Variants in RTL4 observed in about 807,000 individuals in gnomAD.
RTL4 encodes retrotransposon Gag-like protein 4.
A neutral mutation model predicts 5.3 loss-of-function variants in RTL4; 4 were observed. The observed-to-expected ratio is 0.75, with a 90% CI of 0.37 to 1.72. The LOEUF (loss-of-function observed/expected upper bound fraction) is 1.72, where lower values mean the gene tolerates loss of function less well. RTL4 is among the 40% of genes most tolerant of loss of function. The pLI is 0.04. For synonymous variants in RTL4, 98 were observed against 87.3 expected, an observed-to-expected ratio of 1.12 and a Z score of -0.68; for missense variants, 260 against 227.1, an observed-to-expected ratio of 1.14 and a Z score of -0.93.
At chrX:112,303,877 T>C in the RTL4 span, among the ~76,000 whole-genome samples, 1 of 111,196 alleles carries the variant, frequency 9.0e-6, no homozygotes, top group African/African-American at 3.3e-5. Flanking sequence ...TATATTTGAA[T>C]ATACAGGGAT....
At chrX:112,396,921 G>A in the RTL4 span, among the ~76,000 whole-genome samples, 1 of 111,444 alleles carries the variant, frequency 9.0e-6, no homozygotes, top group Non-Finnish European at 1.9e-5. Context: ...TTTGTCTGAT[G>A]TTTTTCTTAT....
the RTL4 span, among the ~76,000 whole-genome samples, chrX:112,314,996 T>C: frequency 6.3e-5 from 7 of 111,860 alleles, no homozygotes; most frequent in Non-Finnish European, 1.3e-4. Flanking sequence ...AAAACAATCA[T>C]AGCCCATCAT....
At chrX:112,230,074 A>G in the RTL4 span, among the ~76,000 whole-genome samples, 2 of 112,008 alleles carry the variant, frequency 1.8e-5, no homozygotes, top group Admixed American at 9.4e-5. Context: ...AGGGACATTT[A>G]AGTCTGCAGA....
chrX:112,116,383 G>T, the RTL4 span, among the ~76,000 whole-genome samples: 1 of 110,654 alleles, frequency 9.0e-6, no homozygotes, highest in African/African-American at 3.3e-5. Flanking sequence ...GGACCCAAAG[G>T]GTGAGCAGCA....
chrX:112,249,863 C>G, the RTL4 span, among the ~76,000 whole-genome samples: 1 of 108,928 alleles, frequency 9.2e-6, no homozygotes, highest in African/African-American at 3.3e-5. Context: ...TGGTGACATT[C>G]TTGGGAAAAC....
the RTL4 span, among the ~76,000 whole-genome samples, chrX:112,259,020 C>G: frequency 1.8e-5 from 2 of 110,726 alleles, no homozygotes; most frequent in Non-Finnish European, 3.8e-5. Context: ...GTTCCATTGA[C>G]CAGTTTGTTT....
At chrX:112,350,850 T>C in the RTL4 span, among the ~76,000 whole-genome samples, 2 of 111,603 alleles carry the variant, frequency 1.8e-5, no homozygotes, top group Non-Finnish European at 3.8e-5. Context: ...GAAGGGTTTT[T>C]TGTGTCTCTA....
rs749586314 is a variant in RTL4, at chrX:112,455,180, A to G, written c.452A>G (p.Lys151Arg). ...GAAATCAATCCTCTGATGAATGCTA[A>G]GTTTGACAAAGGAGACAACTCCTCT... Residue 151 changes from lysine to arginine, a missense_variant, in exon 1 of 1, where the codon AAG becomes AGG. Coordinates refer to ENST00000340433, the Ensembl canonical transcript of RTL4. 6 of 1,209,719 alleles carry G rather than the reference A, an allele frequency of 5.0e-6. No homozygotes were observed. The African/African-American group carries it at 8.8e-5, about 18-fold the overall frequency.
the RTL4 span, among the ~76,000 whole-genome samples, chrX:112,370,837 A>G: frequency 9.0e-6 from 1 of 110,803 alleles, no homozygotes; most frequent in African/African-American, 3.3e-5. Flanking sequence ...AGTTTAGAGC[A>G]TTGATTTCTA....
At chrX:112,257,245 C>T in the RTL4 span, among the ~76,000 whole-genome samples, 20 of 110,753 alleles carry the variant, frequency 1.8e-4, no homozygotes. Context: ...TCTATTTGAC[C>T]TAATAATGTT....
the RTL4 span, among the ~76,000 whole-genome samples, chrX:112,430,232 GT>G: frequency 3.6e-5 from 4 of 110,873 alleles, no homozygotes; most frequent in Non-Finnish European, 5.7e-5. Flanking sequence ...GTTCTGGAGA[GT>G]TTTTTCTCGG....
chrX:112,400,941 A>G, the RTL4 span, among the ~76,000 whole-genome samples: 2 of 111,339 alleles, frequency 1.8e-5, no homozygotes, highest in Non-Finnish European at 3.8e-5. Context: ...AGATGATCAA[A>G]ATTGACTCAG....
At chrX:112,435,926 G>A in the RTL4 span, among the ~76,000 whole-genome samples, 3 of 111,684 alleles carry the variant, frequency 2.7e-5, no homozygotes. Flanking sequence ...GATTCTAAAT[G>A]CCATACTAGG....
upstream of RTL4, among the ~76,000 whole-genome samples, chrX:112,451,928 C>A (rs1926743378): frequency 9.0e-6 from 1 of 111,273 alleles, no homozygotes; most frequent in South Asian, 3.8e-4. Context: ...CAGTGTTTTG[C>A]ACAAGAGCCA....
At chrX:112,148,772 G>A in the RTL4 span, among the ~76,000 whole-genome samples, 1 of 112,092 alleles carries the variant, frequency 8.9e-6, no homozygotes, top group Admixed American at 9.4e-5. Context: ...TATCTATCTT[G>A]ATAAGTTAGT....
the RTL4 span, among the ~76,000 whole-genome samples, chrX:112,153,427 C>T: frequency 8.9e-6 from 1 of 111,998 alleles, no homozygotes; most frequent in Non-Finnish European, 1.9e-5. Flanking sequence ...CCCAATCAAT[C>T]AAAGTGAATA....
chrX:112,431,342 T>C, the RTL4 span, among the ~76,000 whole-genome samples: 2 of 111,964 alleles, frequency 1.8e-5, no homozygotes, highest in Admixed American at 1.9e-4. Flanking sequence ...ATTTCTTCTC[T>C]ACCAGAAGAA....
chrX:112,394,598 T>C, the RTL4 span, among the ~76,000 whole-genome samples: 11 of 111,946 alleles, frequency 9.8e-5, no homozygotes, highest in African/African-American at 3.6e-4. Context: ...GCTCTCTTAC[T>C]TTCATTTGTG....
At chrX:112,454,150 C>T (rs1926790369), upstream of RTL4, among the ~76,000 whole-genome samples, 2 of 111,934 alleles carry the variant, frequency 1.8e-5, no homozygotes, top group South Asian at 7.4e-4. Flanking sequence ...TTTTGGCTTC[C>T]ATGGGCCACA....
Sources: allele counts gnomAD v4.1 joint callset (sites outside exome capture counted in the v4.1 genomes callset), GRCh38; gene constraint gnomAD v4.1.1; transcripts MANE v1.5; gene names NCBI Gene and HGNC (gene_info 2026-07-23, HGNC 2026-07-21).